The following AGO3 variants were observed in gnomAD, a reference collection of about 807,000 sequenced individuals.
The protein encoded by AGO3 is argonaute RISC catalytic component 3.
AGO3 carries 16 observed loss-of-function variants against 105.5 expected under a neutral mutation model. The observed-to-expected ratio is 0.15, with a 90% CI of 0.10 to 0.23. The LOEUF is 0.23. Among genes scored for constraint, AGO3 ranks in the 10% least tolerant of loss-of-function variants. AGO3 has a pLI of 1.00. For synonymous variants in AGO3, 340 were observed against 367.3 expected, an observed-to-expected ratio of 0.93 and a Z score of 0.85; for missense variants, 534 against 1,088.0, an observed-to-expected ratio of 0.49 and a Z score of 7.16.
intron 5 of AGO3, among the ~76,000 whole-genome samples, chr1:35,977,281 C>T (rs1646971347): frequency 6.8e-6 from 1 of 146,436 alleles, no homozygotes. Context: ...AAAGTCTGTT[C>T]AGGCTGTTTA....
intron 14 of AGO3, 37 bp downstream of exon 14, chr1:36,036,304 C>G: frequency 6.3e-7 from 1 of 1,577,962 alleles, no homozygotes; most frequent in Middle Eastern, 1.7e-4. Flanking sequence ...CTAAGGTTGA[C>G]AGACCAGTAT....
intron 12 of AGO3, among the ~76,000 whole-genome samples, chr1:36,033,606 C>T (rs1448738415): frequency 6.1e-5 from 9 of 148,446 alleles, no homozygotes; most frequent in Non-Finnish European, 1.0e-4. Flanking sequence ...GATCATGCCA[C>T]TGCACTCCAG....
At chr1:36,024,677 A>G (rs1206207619) in intron 11 of AGO3, among the ~76,000 whole-genome samples, 1 of 152,070 alleles carries the variant, frequency 6.6e-6, no homozygotes, top group Non-Finnish European at 1.5e-5. Context: ...CAAAATTAGT[A>G]TGACATTTAT....
At position 36,039,848 on chromosome 1, in the gene AGO3, G is replaced by C. The variant is rs777203215; in HGVS notation, c.1901G>C (p.Arg634Thr). ...SRYCATVRVQ[R>T]PRQEIIQDLA... ...TACTGTGCCACAGTAAGAGTTCAGAGACCCCGACAGGAGATCATCCAGGAC... is the reference window on the plus strand; with the variant it reads ...TACTGTGCCACAGTAAGAGTTCAGACACCCCGACAGGAGATCATCCAGGAC... Residue 634 changes from arginine to threonine, a missense_variant, in exon 15 of 19, where the codon AGA becomes ACA. Arg to Thr is a moderately conservative substitution (Grantham distance 71). This residue lies in a region of AGO3 where 373 missense variants were observed against 854.0 expected (regional missense o/e 0.44). Transcript: ENST00000373191. 6.2e-7 allele frequency: 1 copy of C among 1,613,438 alleles called. No homozygotes were observed. Among genetic ancestry groups the C allele is most frequent in the South Asian group, 1.1e-5 (1 of 90,990 alleles).
Position 36,008,855 on chromosome 1 carries a change from A to G in AGO3, c.882-42A>G, listed in dbSNP as rs1191342967. On this transcript the variant is annotated intron_variant, in intron 7 of 18. Coordinates refer to ENST00000373191, the MANE Select transcript of AGO3 (RefSeq NM_024852.4). The surrounding 1 kb of genome is among the most constrained non-coding windows in gnomAD (Gnocchi z 5.1). ...GTGGGGTTGGGAGTTTTTCTGGCTC[A>G]TAATGGGCAAGAATTGTTCATGTGT... 1.8e-5 allele frequency: 29 copies of G among 1,614,008 alleles called. No homozygotes were observed. Among genetic ancestry groups the G allele is most frequent in the Non-Finnish European group, 2.5e-5 (29 of 1,180,044 alleles).
intron 1 of AGO3, 66 bp from the exon 2 acceptor site, chr1:35,945,626 T>C: frequency 6.6e-7 from 1 of 1,505,794 alleles, no homozygotes; most frequent in African/African-American, 1.4e-5. Context: ...TAATATACTC[T>C]GGTTGACAAG....
intron 2 of AGO3, among the ~76,000 whole-genome samples, chr1:35,962,556 A>G (rs976603578): frequency 2.6e-5 from 4 of 151,920 alleles, no homozygotes; most frequent in Non-Finnish European, 4.4e-5. Flanking sequence ...AAAAAAAAAA[A>G]AGAGAAAGAA....
chr1:35,975,136 C>T (rs1245724538), intron 5 of AGO3, among the ~76,000 whole-genome samples: 2 of 152,086 alleles, frequency 1.3e-5, no homozygotes, highest in East Asian at 3.9e-4. Context: ...GAGTTAAGGG[C>T]AAATGTATTA....
At chr1:35,948,101 G>T (rs1646400823) in intron 2 of AGO3, among the ~76,000 whole-genome samples, 2 of 151,854 alleles carry the variant, frequency 1.3e-5, no homozygotes, top group South Asian at 4.2e-4. Context: ...AAAGGCATTA[G>T]TTAATCTAAG....
chr1:35,940,223 C>A (rs962332362), intron 1 of AGO3, among the ~76,000 whole-genome samples: 2 of 152,064 alleles, frequency 1.3e-5, no homozygotes, highest in African/African-American at 4.8e-5. Context: ...TGCGCCATGA[C>A]GCCCGGCTAA....
At chr1:36,009,998 G>T (rs1337557068) in intron 9 of AGO3, among the ~76,000 whole-genome samples, 1 of 137,018 alleles carries the variant, frequency 7.3e-6, no homozygotes, top group South Asian at 2.3e-4. Context: ...GAGTGCAGTG[G>T]CACGATCTTG....
At chr1:36,010,280 C>T (rs892888182) in intron 9 of AGO3, among the ~76,000 whole-genome samples, 5 of 151,840 alleles carry the variant, frequency 3.3e-5, no homozygotes, top group Admixed American at 6.6e-5. Context: ...TTGCTTAGTC[C>T]CCAGTATCAC....
At chr1:35,988,749 G>A (rs1282412058) in intron 5 of AGO3, among the ~76,000 whole-genome samples, 1 of 152,040 alleles carries the variant, frequency 6.6e-6, no homozygotes, top group Non-Finnish European at 1.5e-5. Context: ...TGGGAGTGCA[G>A]GGGTCTCCTT....
chr1:36,049,073 A>G (rs954729791), intron 17 of AGO3, among the ~76,000 whole-genome samples: 2 of 152,256 alleles, frequency 1.3e-5, no homozygotes, highest in African/African-American at 4.8e-5. Flanking sequence ...GCTGAAGGTC[A>G]TAATCCTAAG....
intron 1 of AGO3, among the ~76,000 whole-genome samples, chr1:35,933,310 G>C (rs879882233): frequency 6.6e-6 from 1 of 152,084 alleles, no homozygotes; most frequent in East Asian, 1.9e-4. Context: ...GGTATGCTTA[G>C]CTTTAAGTTG....
chr1:36,059,418 T>A lies in AGO3; in HGVS notation c.*3673T>A, dbSNP rs1642998478. ...TTTATTTTAAAAAAGTTTTTTTTTT[T>A]AAGTTAAACATGAAATTCACAGTGA... On this transcript the variant is annotated 3_prime_UTR_variant, in exon 19 of 19. Coordinates refer to ENST00000373191, the MANE Select transcript of AGO3 (RefSeq NM_024852.4). The A allele has an allele frequency of 6.6e-6, 1 of 151,766 alleles. No individual in the cohort carries two copies. Among genetic ancestry groups the A allele is most frequent in the South Asian group, 2.1e-4 (1 of 4,810 alleles). The allele number at this position is 151,766 out of a possible 1,614,324, so 9.4% of individuals were successfully genotyped here.
chr1:35,931,274 G>A lies in AGO3; in HGVS notation c.-153G>A, dbSNP rs892004625. The A allele has an allele frequency of 3.7e-6, 2 of 541,172 alleles. No individual in the cohort carries two copies. The highest frequency in any genetic ancestry group is 6.1e-6 in the Non-Finnish European group (2 of 325,590). The allele number at this position is 541,172 out of a possible 1,614,324, so 33.5% of individuals were successfully genotyped here. A position where few individuals can be genotyped will look rare whatever the true frequency, so the allele number is the denominator to read the frequency against. Reference sequence around the variant, plus strand: ...GCGACTCTTCCGGCCCAGAGCTTTCGGAGTGCGGTTGCTCAGGGGAAGCCG... The same window carrying A: ...GCGACTCTTCCGGCCCAGAGCTTTCAGAGTGCGGTTGCTCAGGGGAAGCCG... On this transcript the variant is annotated 5_prime_UTR_variant, in exon 1 of 19. Coordinates refer to ENST00000373191, the MANE Select transcript of AGO3 (RefSeq NM_024852.4).
At chr1:36,013,408 A>AATTTTGT in intron 9 of AGO3, 1 of 498,358 alleles carries the variant, frequency 2.0e-6, no homozygotes, top group Non-Finnish European at 3.5e-6. Context: ...CATACATACA[A>AATTTTGT]ATTTTGTATA....
chr1:35,953,133 A>G (rs1352333594), intron 2 of AGO3, among the ~76,000 whole-genome samples: 1 of 152,174 alleles, frequency 6.6e-6, no homozygotes, highest in African/African-American at 2.4e-5. Context: ...ACTCTTTTCC[A>G]AAGTGGCTGC....
Sources: allele counts gnomAD v4.1 joint callset (sites outside exome capture counted in the v4.1 genomes callset), GRCh38; gene constraint gnomAD v4.1.1; regional missense constraint gnomAD v4.1.1; non-coding constraint Gnocchi (gnomAD v3.1); transcripts MANE v1.5; gene names NCBI Gene and HGNC (gene_info 2026-07-23, HGNC 2026-07-21).